Variants in COX7B2 observed in about 807,000 individuals in gnomAD.
The protein encoded by COX7B2 is cytochrome c oxidase subunit 7B2, also known as cytochrome c oxidase subunit 7B2, mitochondrial.
For missense variants in COX7B2, 109 were observed against 95.9 expected (o/e 1.14, Z -0.57); for synonymous variants, 37 against 32.1 (o/e 1.15, Z -0.51).
chr4:46,778,352 G>A (rs542998362), intron 2 of COX7B2, among the ~76,000 whole-genome samples: 5 of 152,102 alleles, frequency 3.3e-5, no homozygotes, highest in South Asian at 2.1e-4. Flanking sequence ...TCAATATACA[G>A]TAACAATGAC....
intron 2 of COX7B2, among the ~76,000 whole-genome samples, chr4:46,790,714 C>CAGTA (rs1717996624): frequency 6.6e-6 from 1 of 152,162 alleles, no homozygotes. Flanking sequence ...TCAAAGAAGG[C>CAGTA]AGTATACTAA....
At chr4:46,813,554 G>A (rs956058582) in intron 2 of COX7B2, among the ~76,000 whole-genome samples, 2 of 152,130 alleles carry the variant, frequency 1.3e-5, no homozygotes, top group African/African-American at 2.4e-5. Flanking sequence ...GGGGCCTGTC[G>A]TGGGGTGGAG....
At chr4:46,755,372 G>A (rs1290536602) in intron 2 of COX7B2, among the ~76,000 whole-genome samples, 1 of 151,784 alleles carries the variant, frequency 6.6e-6, no homozygotes, top group Non-Finnish European at 1.5e-5. Flanking sequence ...TCCCTCTGAT[G>A]ATTTCTAATT....
chr4:46,759,855 T>C (rs952040126), intron 2 of COX7B2, among the ~76,000 whole-genome samples: 1 of 149,772 alleles, frequency 6.7e-6, no homozygotes, highest in African/African-American at 2.5e-5. Context: ...ATAAGTCATA[T>C]CTTATATAAG....
chr4:46,747,121 G>A (rs936762891), intron 2 of COX7B2, among the ~76,000 whole-genome samples: 13 of 151,922 alleles, frequency 8.6e-5, no homozygotes, highest in Non-Finnish European at 1.8e-4. Flanking sequence ...TCGTGTCATG[G>A]GGGTTTGTTG....
intron 2 of COX7B2, among the ~76,000 whole-genome samples, chr4:46,783,580 C>G (rs1320805449): frequency 6.6e-6 from 1 of 152,194 alleles, no homozygotes. Context: ...ATGACTACAT[C>G]TACAGAGGGG....
At chr4:46,773,252 ATG>A (rs1716977106) in intron 2 of COX7B2, among the ~76,000 whole-genome samples, 1 of 152,108 alleles carries the variant, frequency 6.6e-6, no homozygotes, top group Non-Finnish European at 1.5e-5. Context: ...CCCACATGTC[ATG>A]GGAAGGACCT....
At chr4:46,889,098 A>G (rs552634657) in intron 1 of COX7B2, among the ~76,000 whole-genome samples, 33 of 152,326 alleles carry the variant, frequency 2.2e-4, no homozygotes, top group Non-Finnish European at 4.6e-4. Flanking sequence ...CCATAAATAT[A>G]TACACCTATT....
chr4:46,832,770 T>A (rs1715237203), intron 2 of COX7B2, among the ~76,000 whole-genome samples: 1 of 152,246 alleles, frequency 6.6e-6, no homozygotes, highest in East Asian at 1.9e-4. Flanking sequence ...CTCCCCACTC[T>A]CTCTCACTCC....
At chr4:46,801,691 C>A (rs559892933) in intron 2 of COX7B2, among the ~76,000 whole-genome samples, 2 of 152,246 alleles carry the variant, frequency 1.3e-5, no homozygotes, top group Admixed American at 1.3e-4. Context: ...ATGTAACAAA[C>A]TTGCACATGT....
At chr4:46,892,953 A>G (rs971522637) in intron 1 of COX7B2, among the ~76,000 whole-genome samples, 7 of 152,226 alleles carry the variant, frequency 4.6e-5, no homozygotes, top group Admixed American at 2.0e-4. Context: ...CCCCCTTTGC[A>G]TGGCTTTCAT....
At chr4:46,904,389 A>T (rs1720251924) in intron 1 of COX7B2, among the ~76,000 whole-genome samples, 1 of 152,158 alleles carries the variant, frequency 6.6e-6, no homozygotes, top group South Asian at 2.1e-4. Context: ...TGGTCAAAAA[A>T]AATGAAAATC....
intron 2 of COX7B2, among the ~76,000 whole-genome samples, chr4:46,785,565 G>A (rs1467021473): frequency 1.3e-5 from 2 of 152,222 alleles, no homozygotes; most frequent in East Asian, 3.9e-4. Flanking sequence ...TGTTTGTGTG[G>A]AAATCACTCA....
rs116262251 is a variant in COX7B2 at position 46,805,307 on chromosome 4, G to A, written c.-50+39653C>T. Among the ~76,000 whole-genome samples the A allele has an allele frequency of 6.0e-3, 920 of 152,348 alleles. 14 individuals carry two copies. The highest frequency in any genetic ancestry group is 0.021 in the African/African-American group (877 of 41,586). ...TGGGCATCAAGGCCGAGGAGGTGCCGAGAGCCAGCCAGGGCTGTGAGGGCT... is the reference window on the plus strand; with the variant it reads ...TGGGCATCAAGGCCGAGGAGGTGCCAAGAGCCAGCCAGGGCTGTGAGGGCT... On this transcript the variant is annotated intron_variant, in intron 2 of 2. Coordinates refer to ENST00000355591, the MANE Select transcript of COX7B2 (RefSeq NM_130902.3).
chr4:46,852,664 T>A, intron 1 of COX7B2, among the ~76,000 whole-genome samples: 1 of 152,044 alleles, frequency 6.6e-6, no homozygotes, highest in East Asian at 1.9e-4. Flanking sequence ...AACCCCAAAA[T>A]CAAATCAATT....
chr4:46,855,762 A>G (rs956151830), intron 1 of COX7B2, among the ~76,000 whole-genome samples: 15 of 152,228 alleles, frequency 9.9e-5, no homozygotes, highest in Admixed American at 9.8e-4. Flanking sequence ...GTTTCAGATC[A>G]TTTTTCATTC....
intron 1 of COX7B2, among the ~76,000 whole-genome samples, chr4:46,898,736 C>T (rs1719916031): frequency 6.6e-6 from 1 of 152,082 alleles, no homozygotes; most frequent in African/African-American, 2.4e-5. Context: ...ACTCAATTTA[C>T]CATTGATAAA....
chr4:46,888,652 TAGTC>T (rs1719235722), intron 1 of COX7B2, among the ~76,000 whole-genome samples: 1 of 152,110 alleles, frequency 6.6e-6, no homozygotes, highest in African/African-American at 2.4e-5. Context: ...TTCACCATGT[TAGTC>T]AGGATGGTCT....
At chr4:46,891,480 G>C (rs538080186) in intron 1 of COX7B2, among the ~76,000 whole-genome samples, 8 of 152,310 alleles carry the variant, frequency 5.3e-5, no homozygotes, top group African/African-American at 1.7e-4. Flanking sequence ...AAAGTAGTAA[G>C]AGAACGATGT....
Sources: gnomAD v4.1 joint callset for allele counts (sites outside exome capture counted in the v4.1 genomes callset) on GRCh38, gnomAD v4.1.1 for gene constraint, MANE v1.5 for transcripts, NCBI Gene and HGNC (gene_info 2026-07-23, HGNC 2026-07-21) for gene names.